Variants in SERGEF observed in about 807,000 individuals in gnomAD.
SERGEF encodes the protein secretion regulating guanine nucleotide exchange factor.
In SERGEF, 51 loss-of-function variants were observed where a neutral mutation model predicts 50.0. The ratio of observed to expected loss-of-function variants is 1.02; its 90% CI spans 0.81 to 1.29. SERGEF has a LOEUF of 1.29. SERGEF is among the 50% of genes most tolerant of loss of function. SERGEF has a pLI of 0.00. For synonymous variants in SERGEF, 205 were observed against 212.4 expected, an observed-to-expected ratio of 0.97 and a Z score of 0.30; for missense variants, 521 against 557.0, an observed-to-expected ratio of 0.94 and a Z score of 0.65.
intron 10 of SERGEF, among the ~76,000 whole-genome samples, chr11:17,867,205 C>G (rs1383241718): frequency 6.6e-6 from 1 of 152,252 alleles, no homozygotes; most frequent in Non-Finnish European, 1.5e-5. Context: ...CAAGTCCCTT[C>G]TGCCTATGAG....
intron 8 of SERGEF, among the ~76,000 whole-genome samples, chr11:17,961,563 T>C (rs1852997784): frequency 6.6e-6 from 1 of 152,218 alleles, no homozygotes; most frequent in Admixed American, 6.5e-5. Flanking sequence ...TTTCCTGTTA[T>C]TGATTATTGA....
At chr11:17,912,975 G>A (rs564632970) in intron 9 of SERGEF, among the ~76,000 whole-genome samples, 2 of 152,212 alleles carry the variant, frequency 1.3e-5, no homozygotes, top group East Asian at 3.8e-4. Context: ...GATAATGGGT[G>A]CAAAGGATCC....
intron 10 of SERGEF, among the ~76,000 whole-genome samples, chr11:17,844,317 T>C (rs998610238): frequency 4.6e-5 from 7 of 152,246 alleles, no homozygotes; most frequent in African/African-American, 1.2e-4. Flanking sequence ...GACAATGTTA[T>C]ATGTTTACTG....
chr11:17,911,855 C>T (rs1851960650), intron 9 of SERGEF, among the ~76,000 whole-genome samples: 1 of 152,134 alleles, frequency 6.6e-6, no homozygotes, highest in Admixed American at 6.6e-5. Context: ...TCCCCTCGTA[C>T]AGCCCTGAGC....
At position 17,884,053 on chromosome 11, in the gene SERGEF, C is replaced by A. The variant is rs1223541155; in HGVS notation, c.1012-5809G>T. Among the ~76,000 whole-genome samples the A allele has an allele frequency of 6.6e-6, 1 of 152,182 alleles. No homozygotes were observed. The highest frequency in any genetic ancestry group is 1.5e-5 in the Non-Finnish European group (1 of 68,026). On this transcript the variant is annotated intron_variant, in intron 9 of 10. Coordinates refer to ENST00000265965, the MANE Select transcript of SERGEF (RefSeq NM_012139.4). The surrounding 1 kb of genome is among the most constrained non-coding windows in gnomAD (Gnocchi z 4.6). ...GTGAGGCGAGGCCAGCCCCACGCCA[C>A]CAGCCAGGGGCCGCTTTCCTCTACC...
At chr11:17,950,592 T>G (rs754364007) in intron 9 of SERGEF, among the ~76,000 whole-genome samples, 5 of 152,176 alleles carry the variant, frequency 3.3e-5, no homozygotes, top group Non-Finnish European at 5.9e-5. Context: ...GTCACTGTAT[T>G]AGGCACTAGA....
chr11:17,854,655 A>C (rs1273617162), intron 10 of SERGEF: 2 of 152,190 alleles, frequency 1.3e-5, no homozygotes, highest in Non-Finnish European at 2.9e-5. Context: ...ACAGTTGTAC[A>C]AGCCATTTCC....
At chr11:17,982,074 G>T (rs1853506420) in intron 8 of SERGEF, among the ~76,000 whole-genome samples, 1 of 152,152 alleles carries the variant, frequency 6.6e-6, no homozygotes, top group Non-Finnish European at 1.5e-5. Flanking sequence ...CAAAGTGTTG[G>T]AATTACAGAC....
At chr11:17,883,639 C>A (rs1053611190) in intron 9 of SERGEF, among the ~76,000 whole-genome samples, 1 of 152,184 alleles carries the variant, frequency 6.6e-6, no homozygotes, top group Non-Finnish European at 1.5e-5. Flanking sequence ...TTCCTCAAAA[C>A]GGTATGTACC....
intron 6 of SERGEF, 37 bp from the exon 7 acceptor site, chr11:17,993,030 T>C (rs1339212499): frequency 5.7e-6 from 9 of 1,581,222 alleles, no homozygotes; most frequent in Non-Finnish European, 7.8e-6. Context: ...ATTACATTTA[T>C]AACAGAACAA....
At chr11:17,941,163 T>C (rs1017553208) in intron 9 of SERGEF, among the ~76,000 whole-genome samples, 1 of 152,260 alleles carries the variant, frequency 6.6e-6, no homozygotes. Context: ...AAGTTGTAGA[T>C]ACAAGTGTCC....
chr11:17,910,438 G>A (rs1851930986), intron 9 of SERGEF, among the ~76,000 whole-genome samples: 1 of 152,092 alleles, frequency 6.6e-6, no homozygotes, highest in Non-Finnish European at 1.5e-5. Context: ...TTTTTATAGA[G>A]ATGGAGTCTT....
chr11:17,969,630 G>C (rs878938180), intron 8 of SERGEF, among the ~76,000 whole-genome samples: 7 of 152,136 alleles, frequency 4.6e-5, no homozygotes, highest in Admixed American at 4.6e-4. Flanking sequence ...ATCTGCCCAA[G>C]GACACAGTAT....
At chr11:18,006,333 GC>G (rs1040596758) in intron 3 of SERGEF, among the ~76,000 whole-genome samples, 7 of 152,014 alleles carry the variant, frequency 4.6e-5, no homozygotes, top group African/African-American at 1.5e-4. Context: ...GGGGTACCAC[GC>G]CTGGCTAATT....
At chr11:17,925,832 A>T (rs1852239488) in intron 9 of SERGEF, among the ~76,000 whole-genome samples, 1 of 152,234 alleles carries the variant, frequency 6.6e-6, no homozygotes, top group African/African-American at 2.4e-5. Flanking sequence ...AAGACTCAAA[A>T]GACCTGAATT....
chr11:17,788,464 T>C, intron 10 of SERGEF, 51 bp from the exon 11 acceptor site: 1 of 1,450,640 alleles, frequency 6.9e-7, no homozygotes. Context: ...ATAATAGGGC[T>C]GAAACATTCA....
chr11:17,978,774 C>T (rs562663609), intron 8 of SERGEF, among the ~76,000 whole-genome samples: 6 of 152,306 alleles, frequency 3.9e-5, no homozygotes, highest in Admixed American at 2.6e-4. Context: ...ACAGGGAAGG[C>T]CTGGGTGACC....
At chr11:17,806,549 C>T (rs1386105031) in intron 10 of SERGEF, among the ~76,000 whole-genome samples, 1 of 152,114 alleles carries the variant, frequency 6.6e-6, no homozygotes, top group African/African-American at 2.4e-5. Flanking sequence ...TCAGCCTGTC[C>T]AGATCCTAAA....
At chr11:17,792,253 T>G (rs891533212) in intron 10 of SERGEF, among the ~76,000 whole-genome samples, 3 of 152,198 alleles carry the variant, frequency 2.0e-5, no homozygotes, top group Non-Finnish European at 4.4e-5. Flanking sequence ...ACAGAGAGGA[T>G]GAACCCCAGG....
Sources: allele counts gnomAD v4.1 joint callset (sites outside exome capture counted in the v4.1 genomes callset), GRCh38; gene constraint gnomAD v4.1.1; non-coding constraint Gnocchi (gnomAD v3.1); transcripts MANE v1.5; gene names NCBI Gene and HGNC (gene_info 2026-07-23, HGNC 2026-07-21).